FBXO34: variants seen among roughly 807,000 people sequenced by gnomAD.
The protein encoded by FBXO34 is F-box protein 34.
Under a neutral mutation model 24.5 loss-of-function variants are expected in FBXO34, and 12 were observed. The ratio of observed to expected loss-of-function variants is 0.49; its 90% CI spans 0.31 to 0.79. The LOEUF is 0.79. Ranked by LOEUF, FBXO34 falls within the 30% of genes least tolerant of loss-of-function variation. The pLI is 0.04. For synonymous variants in FBXO34, 320 were observed against 311.9 expected (o/e 1.03, Z -0.27); for missense variants, 823 against 857.7 (o/e 0.96, Z 0.51).
intron 1 of FBXO34, among the ~76,000 whole-genome samples, chr14:55,289,902 G>A (rs1773765390): frequency 6.6e-6 from 1 of 151,820 alleles, no homozygotes; most frequent in African/African-American, 2.4e-5. Flanking sequence ...TATACTATTA[G>A]CTTGCTTTTT....
the FBXO34 span, among the ~76,000 whole-genome samples, chr14:55,389,688 G>C: frequency 6.6e-6 from 1 of 152,212 alleles, no homozygotes; most frequent in African/African-American, 2.4e-5. Context: ...CTTTGAGTCT[G>C]AAGTAAATCT....
At chr14:55,414,489 T>C in the FBXO34 span, 1 of 1,458,962 alleles carries the variant, frequency 6.9e-7, no homozygotes, top group Non-Finnish European at 9.3e-7. Flanking sequence ...TAATTTTTAA[T>C]ATAAAAATAC....
downstream of FBXO34, among the ~76,000 whole-genome samples, chr14:55,356,058 A>G (rs1884518063): frequency 6.6e-6 from 1 of 152,158 alleles, no homozygotes; most frequent in Non-Finnish European, 1.5e-5. Flanking sequence ...TAGCTCCCCT[A>G]GCAGCAGGCT....
intron 1 of FBXO34, among the ~76,000 whole-genome samples, chr14:55,288,221 T>A (rs1031392555): frequency 3.3e-5 from 5 of 152,206 alleles, no homozygotes; most frequent in Non-Finnish European, 5.9e-5. Context: ...CTTTTGGCAT[T>A]GGTGTGAGAA....
At chr14:55,367,357 C>G (rs1884702807) in exon 3 of FBXO34, 1 of 152,244 alleles carries the variant, frequency 6.6e-6, no homozygotes, top group African/African-American at 2.4e-5. Context: ...CATCTTCACT[C>G]TCTACGAACT....
intron 1 of FBXO34, among the ~76,000 whole-genome samples, chr14:55,347,923 C>G (rs181385545): frequency 7.3e-4 from 111 of 152,240 alleles, no homozygotes; most frequent in Non-Finnish European, 1.4e-3. Context: ...TTCAACACTT[C>G]CATTTCTTTC....
intron 1 of FBXO34, among the ~76,000 whole-genome samples, chr14:55,317,644 C>T (rs1882980210): frequency 6.6e-6 from 1 of 152,180 alleles, no homozygotes; most frequent in Non-Finnish European, 1.5e-5. Flanking sequence ...GAACTGTGTT[C>T]AGTGACATCA....
At chr14:55,289,442 G>A (rs1881869583) in intron 1 of FBXO34, among the ~76,000 whole-genome samples, 1 of 152,088 alleles carries the variant, frequency 6.6e-6, no homozygotes, top group Admixed American at 6.6e-5. Context: ...TGTCTCTTGG[G>A]CACACTTTAC....
At chr14:55,429,464 C>T in the FBXO34 span, among the ~76,000 whole-genome samples, 2 of 152,268 alleles carry the variant, frequency 1.3e-5, no homozygotes, top group South Asian at 4.1e-4. Context: ...AAGTATGTCC[C>T]ATTTAGAAGA....
At chr14:55,432,724 T>C in the FBXO34 span, among the ~76,000 whole-genome samples, 2 of 152,200 alleles carry the variant, frequency 1.3e-5, no homozygotes, top group Non-Finnish European at 2.9e-5. Context: ...TTAGTACATT[T>C]ATAGAGCGAG....
the FBXO34 span, chr14:55,396,047 G>T: frequency 7.8e-7 from 1 of 1,286,432 alleles, no homozygotes; most frequent in Non-Finnish European, 1.1e-6. Flanking sequence ...GTTCAAAAAT[G>T]TAAAATCAAA....
At chr14:55,306,087 T>A (rs1882534431) in intron 1 of FBXO34, among the ~76,000 whole-genome samples, 1 of 152,240 alleles carries the variant, frequency 6.6e-6, no homozygotes, top group South Asian at 2.1e-4. Flanking sequence ...CCTCCTCTTT[T>A]CCCAGTCATT....
chr14:55,334,509 A>T (rs1883707465), intron 1 of FBXO34, among the ~76,000 whole-genome samples: 1 of 124,898 alleles, frequency 8.0e-6, no homozygotes, highest in Admixed American at 9.5e-5. Context: ...GCATGTAGTT[A>T]GTAGCCATTG....
chr14:55,393,653 T>C, the FBXO34 span, among the ~76,000 whole-genome samples: 1 of 151,734 alleles, frequency 6.6e-6, no homozygotes, highest in Non-Finnish European at 1.5e-5. Flanking sequence ...CAAGTGATCC[T>C]CCCACCTCAA....
At chr14:55,404,082 T>C in the FBXO34 span, among the ~76,000 whole-genome samples, 1 of 152,194 alleles carries the variant, frequency 6.6e-6, no homozygotes, top group South Asian at 2.1e-4. Context: ...GCCTGGATTA[T>C]ATAATTTACT....
intron 1 of FBXO34, among the ~76,000 whole-genome samples, chr14:55,275,613 GACCATCT>G (rs922362708): frequency 1.2e-4 from 18 of 150,570 alleles, no homozygotes; most frequent in African/African-American, 4.2e-4. Flanking sequence ...AGGAGATTGA[GACCATCT>G]TGGCTAACAC....
At chr14:55,311,347 G>A (rs1322013570) in intron 1 of FBXO34, among the ~76,000 whole-genome samples, 2 of 152,144 alleles carry the variant, frequency 1.3e-5, no homozygotes, top group South Asian at 2.1e-4. Flanking sequence ...GGATTATGGG[G>A]ATTATAATTC....
chr14:55,390,739 A>G, the FBXO34 span, among the ~76,000 whole-genome samples: 1 of 152,252 alleles, frequency 6.6e-6, no homozygotes, highest in African/African-American at 2.4e-5. Flanking sequence ...TTAACTTTTA[A>G]AAATTCCTTA....
intron 1 of FBXO34, among the ~76,000 whole-genome samples, chr14:55,317,259 G>T (rs1882963472): frequency 6.6e-6 from 1 of 152,108 alleles, no homozygotes; most frequent in African/African-American, 2.4e-5. Flanking sequence ...GTTGCTAAAT[G>T]TAACAATTAT....
Sources: allele counts gnomAD v4.1 joint callset (sites outside exome capture counted in the v4.1 genomes callset), GRCh38; gene constraint gnomAD v4.1.1; transcripts MANE v1.5; gene names NCBI Gene and HGNC (gene_info 2026-07-23, HGNC 2026-07-21).